The following ABI3BP variants were observed in gnomAD, a reference collection of about 807,000 sequenced individuals.
The protein encoded by ABI3BP is ABI family member 3 binding protein.
A neutral mutation model predicts 268.6 loss-of-function variants in ABI3BP; 216 were observed. The ratio of observed to expected loss-of-function variants is 0.80; its 90% CI spans 0.72 to 0.90. ABI3BP has a LOEUF of 0.90. ABI3BP is among the 40% of genes least tolerant of loss of function. ABI3BP has a pLI of 0.00. For synonymous variants in ABI3BP, 730 were observed against 730.0 expected (o/e 1.00, Z 0.00); for missense variants, 2,090 against 2,182.4 (o/e 0.96, Z 0.84).
At chr3:100,864,275 G>C in intron 11 of ABI3BP, 199 bp from the exon 12 acceptor site, 1 of 562,544 alleles carries the variant, frequency 1.8e-6, no homozygotes, top group African/African-American at 1.9e-5. Context: ...CAGTGGTGTG[G>C]CTGAGAAGAT....
chr3:100,829,642 A>G lies in ABI3BP; in HGVS notation c.2481T>C (p.Thr827=). 6.5e-7 allele frequency: 1 copy of G among 1,535,638 alleles called. No homozygotes were observed. The change falls in exon 33 of 68, where the codon ACT becomes ACC. Residue 827 remains threonine, a synonymous_variant. Transcript: ENST00000471714. The stretch of plus-strand genomic sequence containing the variant: ...TTTTAGGTTTGGGATGTGGACGATG[A>G]GTTCGTTGAGGCACTTTGGGAGCTA... The part of the protein sequence containing the change: ...TTAAPKVPQR[T]HRPHPKPKTT...
intron 2 of ABI3BP, among the ~76,000 whole-genome samples, chr3:100,916,079 A>C (rs1473825157): frequency 6.6e-6 from 1 of 152,012 alleles, no homozygotes; most frequent in Non-Finnish European, 1.5e-5. Flanking sequence ...AGAAGTTCAG[A>C]GTGTTGTCTG....
intron 1 of ABI3BP, among the ~76,000 whole-genome samples, chr3:100,933,367 C>T (rs1203550399): frequency 6.6e-6 from 1 of 151,648 alleles, no homozygotes; most frequent in African/African-American, 2.4e-5. Context: ...TATTCTTATC[C>T]ATAGTGTGTT....
intron 1 of ABI3BP, among the ~76,000 whole-genome samples, chr3:100,985,597 G>A (rs2091479437): frequency 6.6e-6 from 1 of 152,106 alleles, no homozygotes; most frequent in South Asian, 2.1e-4. Context: ...GGAATTTTGT[G>A]TGCCTCTGTA....
In ABI3BP at chr3:100,751,533, G is replaced by A; in HGVS notation, c.5245+19C>T. On this transcript the variant is annotated intron_variant, in intron 67 of 67. Transcript: ENST00000471714. ...AATCTGTAAAACTCTGTTCTTATGA[G>A]GAGGATCAGAAAACATACCTTCTTT... 1 of 1,566,776 alleles carries A rather than the reference G, an allele frequency of 6.4e-7. No homozygotes were observed. Among genetic ancestry groups the A allele is most frequent in the South Asian group, 1.2e-5 (1 of 83,076 alleles).
At chr3:100,809,779 A>G (rs2097802949) in intron 49 of ABI3BP, among the ~76,000 whole-genome samples, 2 of 152,126 alleles carry the variant, frequency 1.3e-5, no homozygotes, top group Admixed American at 1.3e-4. Flanking sequence ...AGGACTTTTT[A>G]AAACAAGAAG....
intron 1 of ABI3BP, among the ~76,000 whole-genome samples, chr3:100,963,045 T>C (rs2153823359): frequency 6.6e-6 from 1 of 152,320 alleles, no homozygotes; most frequent in South Asian, 2.1e-4. Context: ...ATCACTCATG[T>C]AGTGATGCTG....
intron 4 of ABI3BP, among the ~76,000 whole-genome samples, chr3:100,888,816 C>G (rs149521643): frequency 5.3e-4 from 80 of 151,776 alleles, no homozygotes; most frequent in Non-Finnish European, 8.8e-4. Flanking sequence ...TTTTATAGCA[C>G]TATCATTTTT....
In ABI3BP at chr3:100,874,847, G is replaced by C. The variant is rs376449327; in HGVS notation, c.904C>G (p.Gln302Glu). 29 of 1,585,420 alleles carry C rather than the reference G, an allele frequency of 1.8e-5. No individual in the cohort carries two copies. Among genetic ancestry groups the C allele is most frequent in the Non-Finnish European group, 2.5e-5 (29 of 1,162,314 alleles). Reference sequence around the variant, plus strand: ...ACAAAACTTTTCTGCTTACCTAATTGTGTCTTGAGTGCATCTGAAATCTCA... The same window carrying C: ...ACAAAACTTTTCTGCTTACCTAATTCTGTCTTGAGTGCATCTGAAATCTCA... ...MFEISDALKT[Q>E]LAKNETLALP... The change falls in exon 9 of 68, where the codon CAA (glutamine) becomes GAA (glutamate). Residue 302 changes from glutamine (Q) to glutamate (E), a missense_variant. Transcript: ENST00000471714.
At chr3:100,829,767 T>C in intron 32 of ABI3BP, 103 bp from the exon 33 acceptor site, 1 of 946,478 alleles carries the variant, frequency 1.1e-6, no homozygotes, top group Non-Finnish European at 1.6e-6. Flanking sequence ...AATGTTTCTT[T>C]TGGGTTTGAA....
At position 100,951,696 on chromosome 3, in the gene ABI3BP, G is replaced by A. The variant is rs560956720; in HGVS notation, c.80-25215C>T. On this transcript the variant is annotated intron_variant, in intron 1 of 67. Transcript: ENST00000471714. ...TTTATATACACCTTGCTCAAAACCC[G>A]CATAAAACATGGAGAAGTCCAAATG... 1.6e-4 allele frequency among the ~76,000 whole-genome samples: 25 copies of A among 152,012 alleles called. 1 individual carries two copies. The highest frequency in any genetic ancestry group is 5.6e-4 in the African/African-American group (23 of 41,362).
At chr3:100,884,805 C>T (rs890445182) in intron 6 of ABI3BP, among the ~76,000 whole-genome samples, 6 of 152,016 alleles carry the variant, frequency 3.9e-5, no homozygotes, top group African/African-American at 1.4e-4. Flanking sequence ...TCCTTTGTTA[C>T]TCTTAATGGC....
intron 66 of ABI3BP, chr3:100,752,569 T>C (rs1455157196): frequency 2.1e-6 from 1 of 477,576 alleles, no homozygotes; most frequent in Non-Finnish European, 3.7e-6. Context: ...ATGGCACTGT[T>C]TTATAATTGC....
intron 1 of ABI3BP, among the ~76,000 whole-genome samples, chr3:100,964,874 C>G (rs1001315241): frequency 6.6e-6 from 1 of 152,216 alleles, no homozygotes; most frequent in African/African-American, 2.4e-5. Flanking sequence ...ACTGGTTGTA[C>G]CAGCCTCTCT....
rs754541782 is a variant in ABI3BP at position 100,846,682 on chromosome 3, T to A, written c.1649-236A>T. ...CAAGAGTATATTTAATCAACAAATA[T>A]AGCATTACTACTAAATAGTCACAGT... On this transcript the variant is annotated intron_variant, in intron 19 of 67. Coordinates refer to ENST00000471714, the MANE Select transcript of ABI3BP (RefSeq NM_001375547.2). The A allele has an allele frequency of 1.1e-4, 39 of 345,346 alleles. 1 individual carries two copies. The highest frequency in any genetic ancestry group is 6.5e-4 in the Admixed American group (15 of 23,116). The allele number at this position is 345,346 out of a possible 1,614,324, so 21.4% of individuals were successfully genotyped here.
chr3:100,814,945 C>T (rs2097980259), intron 44 of ABI3BP, among the ~76,000 whole-genome samples: 2 of 152,212 alleles, frequency 1.3e-5, no homozygotes, highest in South Asian at 4.1e-4. Flanking sequence ...ACTGTAAGTG[C>T]CTTTTCTCTC....
intron 20 of ABI3BP, chr3:100,843,683 GGTCT>G: frequency 1.0e-6 from 1 of 984,252 alleles, no homozygotes; most frequent in Non-Finnish European, 1.2e-6. Flanking sequence ...TGCATGTATA[GGTCT>G]AAGTACCTCA....
intron 64 of ABI3BP, among the ~76,000 whole-genome samples, chr3:100,754,299 A>G (rs1409230677): frequency 6.6e-6 from 1 of 152,222 alleles, no homozygotes; most frequent in Non-Finnish European, 1.5e-5. Flanking sequence ...TTATTAAACT[A>G]TCATGGGTTC....
At chr3:100,834,919 C>A in intron 28 of ABI3BP, 146 bp from the exon 29 acceptor site, 2 of 678,868 alleles carry the variant, frequency 2.9e-6, no homozygotes, top group East Asian at 2.8e-5. Context: ...CATCTATATG[C>A]AAAAATATGT....
Sources: allele counts gnomAD v4.1 joint callset (sites outside exome capture counted in the v4.1 genomes callset), GRCh38; gene constraint gnomAD v4.1.1; transcripts MANE v1.5; gene names NCBI Gene and HGNC (gene_info 2026-07-23, HGNC 2026-07-21).